PCDHA4: variants seen among roughly 807,000 people sequenced by gnomAD.
PCDHA4 encodes protocadherin alpha-4.
A neutral mutation model predicts 61.4 loss-of-function variants in PCDHA4; 49 were observed. The observed-to-expected ratio is 0.80, with a 90% confidence interval of 0.63 to 1.01. The LOEUF (loss-of-function observed/expected upper bound fraction) is 1.01, where lower values mean the gene tolerates loss of function less well. Among genes scored for constraint, PCDHA4 ranks in the 50% least tolerant of loss-of-function variants. The probability of loss-of-function intolerance (pLI) is 0.00; values close to 1 mark genes in which losing one functional copy is unlikely to be tolerated. For missense variants in PCDHA4, 1,254 were observed against 1,235.8 expected, an observed-to-expected ratio of 1.01 and a Z score of -0.22; for synonymous variants, 590 against 550.3, an observed-to-expected ratio of 1.07 and a Z score of -1.01.
chr5:140,892,262 T>G (rs1554185143), intron 1 of PCDHA4, among the ~76,000 whole-genome samples: 1 of 152,188 alleles, frequency 6.6e-6, no homozygotes, highest in African/African-American at 2.4e-5. Flanking sequence ...TTTGATTTTG[T>G]GCTGAAAGTT....
Position 140,999,346 on chromosome 5 carries a change from T to C in PCDHA4, c.2534-10281T>C, listed in dbSNP as rs115221132. ...ATCTGTGTGATTTATAAGCCTTGTC[T>C]CTTTTTAATGTTCACAATCCCATTA... On this transcript the variant is annotated intron_variant, in intron 3 of 3. Transcript: ENST00000530339. Among the ~76,000 whole-genome samples the C allele has an allele frequency of 2.6e-3, 399 of 152,360 alleles. 2 individuals are homozygous for C. In the Middle Eastern group the frequency reaches 0.041, roughly 16 times the overall value.
intron 3 of PCDHA4, among the ~76,000 whole-genome samples, chr5:141,006,057 A>G (rs2098253248): frequency 6.6e-6 from 1 of 152,022 alleles, no homozygotes. Context: ...AGAGTGGAGA[A>G]GAAATAAAAA....
chr5:140,968,813 A>T, intron 1 of PCDHA4: 2 of 1,614,194 alleles, frequency 1.2e-6, no homozygotes, highest in Non-Finnish European at 1.7e-6. Context: ...TGTGGTGGAT[A>T]GGGTTTCCAA....
intron 1 of PCDHA4, chr5:140,829,772 A>C: frequency 6.2e-7 from 1 of 1,613,784 alleles, no homozygotes; most frequent in Non-Finnish European, 8.5e-7. Context: ...CGAGAACGAC[A>C]ACGCGCCGGC....
chr5:140,881,596 T>G (rs1420240994), intron 1 of PCDHA4, among the ~76,000 whole-genome samples: 1 of 152,240 alleles, frequency 6.6e-6, no homozygotes, highest in African/African-American at 2.4e-5. Flanking sequence ...GGAAATTTAT[T>G]AATATGATGT....
Position 140,846,597 on chromosome 5 carries a change from A to C in PCDHA4, c.2385+37025A>C, listed in dbSNP as rs2150392674. 8.1e-5 allele frequency among the ~76,000 whole-genome samples: 12 copies of C among 148,550 alleles called. 1 individual carries two copies. The East Asian group carries it at 2.3e-3, about 29-fold the overall frequency. On this transcript the variant is annotated intron_variant, in intron 1 of 3. Coordinates refer to ENST00000530339, the MANE Select transcript of PCDHA4 (RefSeq NM_018907.4). ...CACCATGTTAGCCAGGATGGTCTCG[A>C]TCTCCTGACCTCCTGATCCGCCCAC...
At chr5:140,966,396 C>T (rs770476013) in intron 1 of PCDHA4, 11 of 405,036 alleles carry the variant, frequency 2.7e-5, no homozygotes, top group Admixed American at 4.4e-5. Flanking sequence ...TCCGCCACTT[C>T]GGCGCGGAAT....
At chr5:140,924,588 T>C (rs2081910916) in intron 1 of PCDHA4, among the ~76,000 whole-genome samples, 1 of 152,212 alleles carries the variant, frequency 6.6e-6, no homozygotes, top group East Asian at 1.9e-4. Context: ...TCAAATATTA[T>C]AGAAATATGC....
intron 1 of PCDHA4, among the ~76,000 whole-genome samples, chr5:140,936,295 C>T (rs1482125698): frequency 1.3e-5 from 2 of 152,182 alleles, no homozygotes; most frequent in African/African-American, 4.8e-5. Context: ...TATAACATTG[C>T]TATCCAATAG....
At chr5:140,820,068 T>C (rs1554127785) in intron 1 of PCDHA4, among the ~76,000 whole-genome samples, 1 of 152,036 alleles carries the variant, frequency 6.6e-6, no homozygotes, top group African/African-American at 2.4e-5. Context: ...GTGGCTAACA[T>C]CAGCTAATGC....
At chr5:140,978,799 A>C (rs2096824173) in intron 1 of PCDHA4, 150 bp from the exon 2 acceptor site, 2 of 1,479,066 alleles carry the variant, frequency 1.4e-6, no homozygotes, top group East Asian at 4.9e-5. Flanking sequence ...ATATATGTAG[A>C]TATCATCATA....
intron 1 of PCDHA4, among the ~76,000 whole-genome samples, chr5:140,954,973 G>T (rs781943510): frequency 7.9e-5 from 12 of 152,124 alleles, no homozygotes; most frequent in Non-Finnish European, 1.3e-4. Context: ...AAAGGGTCCA[G>T]TTTCAATTTT....
rs2150250387 is a variant in PCDHA4 at position 140,836,006 on chromosome 5, C to T, written c.2385+26434C>T. 26 of 1,613,312 alleles carry T rather than the reference C, an allele frequency of 1.6e-5. 1 individual carries two copies. Among genetic ancestry groups the T allele is most frequent in the Non-Finnish European group, 2.2e-5 (26 of 1,179,716 alleles). On this transcript the variant is annotated intron_variant, in intron 1 of 3. Transcript: ENST00000530339. ...TCCAGGTGAGCGCGCGCGATGCGGG[C>T]GTGCCGCCTCTGGGCAGCAACGTGA...
chr5:140,838,073 ATATAGTGT>A (rs1457215249), intron 1 of PCDHA4, among the ~76,000 whole-genome samples: 9 of 126,836 alleles, frequency 7.1e-5, no homozygotes, highest in Admixed American at 1.7e-4. Context: ...AGTTATATAT[ATATAGTGT>A]GTGTGTGTGT....
rs782554104 is a variant in PCDHA4 at position 140,809,508 on chromosome 5, C to G, written c.2321C>G (p.Pro774Arg). The change falls in exon 1 of 4, where the codon CCC (proline) becomes CGC (arginine). Residue 774 changes from proline to arginine, a missense_variant. Transcript: ENST00000530339. ...AAGACCGACCTCATGGCCTTCAGCC[C>G]CAGTTTACCTGACTCTAGGGACAGA... ...PPKTDLMAFS[P>R]SLPDSRDRED... is the part of the protein sequence containing the mutation. 1.9e-6 allele frequency: 3 copies of G among 1,614,204 alleles called. No homozygotes were observed. Among genetic ancestry groups the G allele is most frequent in the East Asian group, 2.2e-5 (1 of 44,874 alleles).
chr5:140,811,628 C>T (rs1375327929), intron 1 of PCDHA4: 2 of 152,200 alleles, frequency 1.3e-5, no homozygotes, highest in African/African-American at 2.4e-5. Flanking sequence ...GGTGTAAAAG[C>T]GTTACTATTT....
chr5:140,829,624 C>A, intron 1 of PCDHA4: 1 of 1,612,182 alleles, frequency 6.2e-7, no homozygotes, highest in Non-Finnish European at 8.5e-7. Context: ...TTTCGGTGCA[C>A]GCGGAGAGCG....
At chr5:140,988,468 A>G (rs1184589294) in intron 3 of PCDHA4, among the ~76,000 whole-genome samples, 1 of 152,186 alleles carries the variant, frequency 6.6e-6, no homozygotes, top group African/African-American at 2.4e-5. Flanking sequence ...GGGTGTGGGA[A>G]GGGGAATTAG....
intron 1 of PCDHA4, among the ~76,000 whole-genome samples, chr5:140,831,824 C>G (rs1771719892): frequency 6.6e-6 from 1 of 152,140 alleles, no homozygotes; most frequent in African/African-American, 2.4e-5. Context: ...ATGATAAACA[C>G]TAGTTTCAAT....
Sources: gnomAD v4.1 joint callset for allele counts (sites outside exome capture counted in the v4.1 genomes callset) on GRCh38, gnomAD v4.1.1 for gene constraint, MANE v1.5 for transcripts, NCBI Gene and HGNC (gene_info 2026-07-23, HGNC 2026-07-21) for gene names.